Variants in SLC35F3 observed in about 807,000 individuals in gnomAD.
SLC35F3 encodes putative thiamine transporter SLC35F3.
Under a neutral mutation model 49.9 loss-of-function variants are expected in SLC35F3, and 25 were observed. The observed-to-expected ratio is 0.50, with a 90% CI of 0.37 to 0.70. The LOEUF is 0.70. SLC35F3 is among the 30% of genes least tolerant of loss of function. The pLI is 0.00. For synonymous variants in SLC35F3, 275 were observed against 265.4 expected, an observed-to-expected ratio of 1.04 and a Z score of -0.35; for missense variants, 525 against 639.8, an observed-to-expected ratio of 0.82 and a Z score of 1.94.
intron 4 of SLC35F3, among the ~76,000 whole-genome samples, chr1:234,313,072 T>C (rs1295819119): frequency 6.6e-6 from 1 of 152,092 alleles, no homozygotes; most frequent in African/African-American, 2.4e-5. Context: ...AGACAGAGTC[T>C]CACCATGTTG....
chr1:234,295,007 A>C (rs1668569971), intron 3 of SLC35F3, among the ~76,000 whole-genome samples: 1 of 152,262 alleles, frequency 6.6e-6, no homozygotes, highest in South Asian at 2.1e-4. Context: ...TCTGAAGCCC[A>C]CGGGGCCTGA....
chr1:233,910,047 C>A lies in SLC35F3; in HGVS notation c.283+4289C>A, dbSNP rs370204405. On this transcript the variant is annotated intron_variant, in intron 2 of 7. Transcript: ENST00000366618. Reference sequence around the variant, plus strand: ...GATTTGAAAGAGCCTGTTCCTTCTGCAGCTGGCATGATTCCACAACCAATC... The same window carrying A: ...GATTTGAAAGAGCCTGTTCCTTCTGAAGCTGGCATGATTCCACAACCAATC... 3.4e-4 allele frequency among the ~76,000 whole-genome samples: 52 copies of A among 152,346 alleles called. 1 individual carries two copies. In the East Asian group the frequency reaches 7.3e-3, roughly 21 times the overall value.
In SLC35F3 at chr1:234,284,512, C is replaced by A. The variant is rs187518094; in HGVS notation, c.609-24589C>A. ...TTTCAGATAGGATTCATGCATCTGG[C>A]AGATGCAAATGGAGCTCTTTCTGTG... On this transcript the variant is annotated intron_variant, in intron 3 of 7. Coordinates refer to ENST00000366618, the MANE Select transcript of SLC35F3 (RefSeq NM_173508.4). 2.8e-3 allele frequency among the ~76,000 whole-genome samples: 430 copies of A among 152,276 alleles called. 3 individuals are homozygous for A. The highest frequency in any genetic ancestry group is 9.8e-3 in the African/African-American group (409 of 41,548).
At chr1:234,322,216 T>G (rs951398224) in intron 7 of SLC35F3, among the ~76,000 whole-genome samples, 37 of 150,198 alleles carry the variant, frequency 2.5e-4, no homozygotes, top group African/African-American at 8.5e-4. Context: ...AAAATACAGT[T>G]GACCCTTGAA....
At chr1:233,966,715 G>A (rs1662911574) in intron 2 of SLC35F3, among the ~76,000 whole-genome samples, 1 of 152,212 alleles carries the variant, frequency 6.6e-6, no homozygotes, top group Non-Finnish European at 1.5e-5. Flanking sequence ...AACAGCTTTA[G>A]AATTTTCTAA....
chr1:233,913,414 G>C (rs1571976522), intron 2 of SLC35F3, among the ~76,000 whole-genome samples: 1 of 152,264 alleles, frequency 6.6e-6, no homozygotes, highest in South Asian at 2.1e-4. Context: ...AGGTGCTCTT[G>C]CATCTCCTAT....
intron 2 of SLC35F3, among the ~76,000 whole-genome samples, chr1:234,170,218 A>G (rs919440330): frequency 6.6e-6 from 1 of 152,154 alleles, no homozygotes; most frequent in Non-Finnish European, 1.5e-5. Context: ...TCCATGAGTT[A>G]CTGTCCCATT....
chr1:234,061,864 A>C (rs963230378), intron 2 of SLC35F3, among the ~76,000 whole-genome samples: 1 of 151,816 alleles, frequency 6.6e-6, no homozygotes, highest in African/African-American at 2.4e-5. Flanking sequence ...CATTGTCATC[A>C]TATCTTTATC....
intron 2 of SLC35F3, among the ~76,000 whole-genome samples, chr1:234,229,122 G>A (rs1253110469): frequency 6.6e-6 from 1 of 152,180 alleles, no homozygotes; most frequent in African/African-American, 2.4e-5. Context: ...AATATGGGAA[G>A]CAGCCTCTTG....
At chr1:234,205,746 G>A (rs181958955) in intron 2 of SLC35F3, among the ~76,000 whole-genome samples, 3 of 152,318 alleles carry the variant, frequency 2.0e-5, no homozygotes, top group South Asian at 2.1e-4. Flanking sequence ...CTCACTAGAG[G>A]CAAAGTAAGC....
chr1:233,930,021 C>T (rs1337698905), intron 2 of SLC35F3, among the ~76,000 whole-genome samples: 4 of 151,968 alleles, frequency 2.6e-5, no homozygotes, highest in South Asian at 2.1e-4. Context: ...CAGTGGTTCA[C>T]GACTCTAGTC....
chr1:234,154,384 G>T (rs1666120237), intron 2 of SLC35F3, among the ~76,000 whole-genome samples: 2 of 152,212 alleles, frequency 1.3e-5, no homozygotes, highest in Admixed American at 6.5e-5. Flanking sequence ...AATATTTTAT[G>T]TATGTGTCCA....
chr1:234,081,250 A>G (rs188006784), intron 2 of SLC35F3, among the ~76,000 whole-genome samples: 1 of 152,356 alleles, frequency 6.6e-6, no homozygotes, highest in Non-Finnish European at 1.5e-5. Context: ...GGAATTCCTA[A>G]CACATTTTAT....
At chr1:234,258,804 A>G (rs1667859059) in intron 3 of SLC35F3, among the ~76,000 whole-genome samples, 1 of 152,254 alleles carries the variant, frequency 6.6e-6, no homozygotes, top group African/African-American at 2.4e-5. Flanking sequence ...CTGGGTCAGT[A>G]CAAGCCAACA....
intron 2 of SLC35F3, among the ~76,000 whole-genome samples, chr1:234,033,515 C>T (rs1332171375): frequency 6.6e-6 from 1 of 152,186 alleles, no homozygotes; most frequent in Admixed American, 6.5e-5. Flanking sequence ...TTTGATCCAT[C>T]TCGAGTTGGC....
intron 2 of SLC35F3, among the ~76,000 whole-genome samples, chr1:234,004,757 G>C (rs1663605224): frequency 6.6e-6 from 1 of 152,068 alleles, no homozygotes; most frequent in Non-Finnish European, 1.5e-5. Context: ...GCTTTTCTTG[G>C]TTAGAAATCA....
chr1:234,207,593 G>A (rs72632288), intron 2 of SLC35F3, among the ~76,000 whole-genome samples: 18,021 of 151,248 alleles, frequency 0.12, 3,050 homozygotes, highest in East Asian at 0.84. Context: ...ACAAGACCTA[G>A]GAGATTACCT....
chr1:234,106,173 T>C (rs1374929393), intron 2 of SLC35F3, among the ~76,000 whole-genome samples: 1 of 152,226 alleles, frequency 6.6e-6, no homozygotes, highest in Non-Finnish European at 1.5e-5. Context: ...CCATGATTGG[T>C]CTATGCCAAT....
At chr1:234,119,966 G>A (rs1665548062) in intron 2 of SLC35F3, among the ~76,000 whole-genome samples, 1 of 152,214 alleles carries the variant, frequency 6.6e-6, no homozygotes, top group South Asian at 2.1e-4. Context: ...AGAAGGCCTT[G>A]CCAAGTAGAA....
Sources: gnomAD v4.1 joint callset for allele counts (sites outside exome capture counted in the v4.1 genomes callset) on GRCh38, gnomAD v4.1.1 for gene constraint, MANE v1.5 for transcripts, NCBI Gene and HGNC (gene_info 2026-07-23, HGNC 2026-07-21) for gene names.